Variants in EBF2 observed in about 807,000 individuals in gnomAD.
EBF2 encodes the protein transcription factor COE2.
A neutral mutation model predicts 72.8 loss-of-function variants in EBF2; 21 were observed. The ratio of observed to expected loss-of-function variants is 0.29; its 90% CI spans 0.20 to 0.42. The LOEUF is 0.42. EBF2 is among the 10% of genes least tolerant of loss of function. The pLI is 1.00. For synonymous variants in EBF2, 299 were observed against 274.2 expected (o/e 1.09, Z -0.89); for missense variants, 637 against 731.2 (o/e 0.87, Z 1.49).
chr8:25,874,458 G>T lies in EBF2; in HGVS notation c.1010-11661C>A, dbSNP rs142121088. On this transcript the variant is annotated intron_variant, in intron 10 of 15. Transcript: ENST00000520164. ...CAAAGTAGAAGATAAGAAGTATTCT[G>T]GGAGAGGGGGTTAGTTAGCATGAAT... Among the ~76,000 whole-genome samples, 14 of 152,138 alleles carry T rather than the reference G, an allele frequency of 9.2e-5. No individual in the cohort carries two copies. In the East Asian group the frequency reaches 2.7e-3, roughly 29 times the overall value.
At chr8:26,040,773 G>A in intron 3 of EBF2, 102 bp from the exon 4 acceptor site, 3 of 1,495,390 alleles carry the variant, frequency 2.0e-6, no homozygotes, top group Non-Finnish European at 2.7e-6. Flanking sequence ...GCCTCTCCAT[G>A]CTGAGCCGCC....
At chr8:25,873,103 ACATGCAAAGG>A (rs1208089317) in intron 10 of EBF2, among the ~76,000 whole-genome samples, 3 of 152,052 alleles carry the variant, frequency 2.0e-5, no homozygotes, top group Admixed American at 1.3e-4. Flanking sequence ...CATGTGTCCA[ACATGCAAAGG>A]CTACGTTAAA....
intron 6 of EBF2, among the ~76,000 whole-genome samples, chr8:25,969,335 C>A (rs1427639023): frequency 1.3e-5 from 2 of 152,200 alleles, no homozygotes; most frequent in African/African-American, 4.8e-5. Flanking sequence ...ATTCATCAAG[C>A]CCTGAGAGCT....
At chr8:25,922,788 T>C (rs1313642472) in intron 6 of EBF2, among the ~76,000 whole-genome samples, 1 of 152,136 alleles carries the variant, frequency 6.6e-6, no homozygotes, top group Non-Finnish European at 1.5e-5. Context: ...TGACAAAATG[T>C]TTTAACATCA....
At chr8:25,913,829 GCAGAAGACACTTT>G (rs1183100689) in intron 6 of EBF2, among the ~76,000 whole-genome samples, 2 of 152,176 alleles carry the variant, frequency 1.3e-5, no homozygotes, top group Admixed American at 6.5e-5. Flanking sequence ...CATTGATTTT[GCAGAAGACACTTT>G]CTGTCTGGAT....
intron 14 of EBF2, among the ~76,000 whole-genome samples, chr8:25,857,861 C>A (rs933342083): frequency 3.9e-5 from 6 of 152,216 alleles, no homozygotes; most frequent in African/African-American, 1.4e-4. Context: ...TAAATTATTA[C>A]CCTGCTCTAT....
At chr8:25,959,659 A>G (rs1206628429) in intron 6 of EBF2, among the ~76,000 whole-genome samples, 1 of 152,188 alleles carries the variant, frequency 6.6e-6, no homozygotes, top group African/African-American at 2.4e-5. Context: ...CAGCTGTGTC[A>G]GCACTGTAGC....
rs1805595368 is a variant in EBF2 at position 26,041,270 on chromosome 8, G to T, written c.289-268C>A. On this transcript the variant is annotated intron_variant, in intron 2 of 15. Transcript: ENST00000520164. ...TCAGAAGTGTGACCCTTGAGCTTCC[G>T]ACAACAGGACCACTTGCCAAAGCTG... 4 of 520,374 alleles carry T rather than the reference G, an allele frequency of 7.7e-6. No individual in the cohort carries two copies. In the Admixed American group the frequency reaches 9.7e-5, roughly 13 times the overall value. 32.2% of individuals were successfully genotyped at this position (520,374 alleles called of 1,614,324 possible). A position where few individuals can be genotyped will look rare whatever the true frequency, so the allele number is the denominator to read the frequency against.
chr8:25,939,666 C>G (rs1196701957), intron 6 of EBF2, among the ~76,000 whole-genome samples: 2 of 152,182 alleles, frequency 1.3e-5, no homozygotes, highest in African/African-American at 4.8e-5. Flanking sequence ...GCTCCAAGTT[C>G]CCATCATACT....
intron 6 of EBF2, chr8:26,032,765 T>C: frequency 4.4e-6 from 1 of 229,364 alleles, no homozygotes; most frequent in Non-Finnish European, 8.5e-6. Context: ...TTGCTTCTTC[T>C]AGAAAACTGA....
At chr8:25,927,310 C>G (rs1314327494) in intron 6 of EBF2, among the ~76,000 whole-genome samples, 4 of 135,294 alleles carry the variant, frequency 3.0e-5, no homozygotes, top group Non-Finnish European at 6.3e-5. Flanking sequence ...TTGTATATAT[C>G]TAGATATCAT....
chr8:25,882,792 T>C (rs1802625690), intron 10 of EBF2, among the ~76,000 whole-genome samples: 1 of 152,200 alleles, frequency 6.6e-6, no homozygotes, highest in African/African-American at 2.4e-5. Context: ...TTTATGTCAG[T>C]GCATTGTAAT....
At chr8:25,877,409 T>TGGCTC (rs1395185811) in intron 10 of EBF2, among the ~76,000 whole-genome samples, 1 of 152,208 alleles carries the variant, frequency 6.6e-6, no homozygotes, top group Non-Finnish European at 1.5e-5. Context: ...ATGAGCCCTG[T>TGGCTC]TCTCACGTGG....
chr8:25,969,673 T>A (rs926359977), intron 6 of EBF2, among the ~76,000 whole-genome samples: 9 of 152,168 alleles, frequency 5.9e-5, no homozygotes, highest in Non-Finnish European at 1.0e-4. Context: ...CACTCATGAG[T>A]CTCCTTTGAG....
At chr8:25,913,308 G>T (rs1480752694) in intron 6 of EBF2, among the ~76,000 whole-genome samples, 1 of 152,026 alleles carries the variant, frequency 6.6e-6, no homozygotes, top group East Asian at 1.9e-4. Context: ...GGGCGTGGTG[G>T]CATGCACCTG....
intron 6 of EBF2, among the ~76,000 whole-genome samples, chr8:25,945,095 C>CA: frequency 6.9e-6 from 1 of 145,002 alleles, no homozygotes; most frequent in East Asian, 2.1e-4. Flanking sequence ...GTTGCCCCCC[C>CA]CGCCCCACCC....
chr8:25,992,618 G>A (rs951262852), intron 6 of EBF2, among the ~76,000 whole-genome samples: 5 of 152,010 alleles, frequency 3.3e-5, no homozygotes, highest in Non-Finnish European at 5.9e-5. Context: ...CATATTTAAG[G>A]CCAGGCATGG....
intron 6 of EBF2, among the ~76,000 whole-genome samples, chr8:26,013,354 G>A (rs972555719): frequency 6.6e-6 from 1 of 152,062 alleles, no homozygotes; most frequent in Non-Finnish European, 1.5e-5. Context: ...CACTGCCCTC[G>A]TGAGTTCCTG....
At position 25,887,858 on chromosome 8, in the gene EBF2, A is replaced by G; in HGVS notation, c.866T>C (p.Met289Thr). ...TCTGCTTACCTCGCTCCATACAAGC[A>G]TAGTCCCAAACACCACTTGGAGACC... Reference protein sequence around the residue: ...FDGLQVVFGTMLVWSELITPH... With the variant: ...FDGLQVVFGTTLVWSELITPH... The change falls in exon 9 of 16, where the codon ATG becomes ACG. Residue 289 changes from methionine (M) to threonine (T), a missense_variant. Physicochemically the swap from Met to Thr is moderately conservative, Grantham distance 81 (BLOSUM62 -1). Coordinates refer to ENST00000520164, the MANE Select transcript of EBF2 (RefSeq NM_022659.4). 1.9e-6 allele frequency: 3 copies of G among 1,611,982 alleles called. No individual in the cohort carries two copies. The highest frequency in any genetic ancestry group is 2.5e-6 in the Non-Finnish European group (3 of 1,179,134).
Sources: gnomAD v4.1 joint callset for allele counts (sites outside exome capture counted in the v4.1 genomes callset) on GRCh38, gnomAD v4.1.1 for gene constraint, MANE v1.5 for transcripts, NCBI Gene and HGNC (gene_info 2026-07-23, HGNC 2026-07-21) for gene names.